ZNF827: variants seen among roughly 807,000 people sequenced by gnomAD.
ZNF827 encodes the protein zinc finger protein 827.
A neutral mutation model predicts 102.4 loss-of-function variants in ZNF827; 13 were observed. The ratio of observed to expected loss-of-function variants is 0.13; its 90% CI spans 0.08 to 0.20. The LOEUF (loss-of-function observed/expected upper bound fraction) is 0.20, where lower values mean the gene tolerates loss of function less well. Among genes scored for constraint, ZNF827 ranks in the 10% least tolerant of loss-of-function variants. The pLI, the probability that ZNF827 is intolerant of heterozygous loss-of-function variation, is 1.00. For missense variants in ZNF827, 1,103 were observed against 1,344.4 expected, an observed-to-expected ratio of 0.82 and a Z score of 2.81; for synonymous variants, 523 against 536.2, an observed-to-expected ratio of 0.98 and a Z score of 0.34.
intron 4 of ZNF827, among the ~76,000 whole-genome samples, chr4:145,879,102 AGAC>A (rs1225705913): frequency 6.6e-6 from 1 of 152,164 alleles, no homozygotes; most frequent in Non-Finnish European, 1.5e-5. Flanking sequence ...GGAGGTCAAA[AGAC>A]AGTTTGCTCA....
intron 3 of ZNF827, among the ~76,000 whole-genome samples, chr4:145,891,984 C>A (rs1750642947): frequency 6.6e-6 from 1 of 152,204 alleles, no homozygotes; most frequent in Non-Finnish European, 1.5e-5. Flanking sequence ...CTGTTGCTCC[C>A]CTATAGGAGA....
rs778419511 is a variant in ZNF827 at position 145,849,492 on chromosome 4, G to C, written c.2051C>G (p.Ser684Cys). ...EEPMEVDIQD[S>C]HVSISPSRNV... The stretch of plus-strand genomic sequence containing the variant: ...CCGGCTGGGTGATATCGAGACATGG[G>C]AGTCCTGGATGTCAACCTCCATGGG... Residue 684 changes from serine (S) to cysteine (C), a missense_variant, in exon 6 of 15, where the codon TCC becomes TGC. Transcript: ENST00000508784. 5.0e-6 allele frequency: 8 copies of C among 1,614,176 alleles called. No individual in the cohort carries two copies. Among genetic ancestry groups the C allele is most frequent in the Non-Finnish European group, 6.8e-6 (8 of 1,180,036 alleles).
chr4:145,919,370 G>A (rs1475108525), intron 1 of ZNF827, among the ~76,000 whole-genome samples: 1 of 152,204 alleles, frequency 6.6e-6, no homozygotes, highest in Non-Finnish European at 1.5e-5. Context: ...AAATTCACTG[G>A]ACAGCCAAAT....
intron 4 of ZNF827, among the ~76,000 whole-genome samples, chr4:145,872,940 CTT>C (rs1198148895): frequency 1.4e-5 from 2 of 143,390 alleles, no homozygotes; most frequent in East Asian, 4.4e-4. Flanking sequence ...ATTTTTTTTT[CTT>C]TTCTTTTTTT....
chr4:145,880,166 C>T (rs751118516), intron 4 of ZNF827, among the ~76,000 whole-genome samples: 6 of 152,234 alleles, frequency 3.9e-5, no homozygotes, highest in South Asian at 2.1e-4. Context: ...ACCCGGGAGG[C>T]GGATGTTTCA....
intron 3 of ZNF827, among the ~76,000 whole-genome samples, chr4:145,888,555 G>A (rs568935473): frequency 9.8e-5 from 15 of 152,310 alleles, no homozygotes; most frequent in African/African-American, 3.4e-4. Flanking sequence ...GTATTTCAGA[G>A]CTTGGGGAAA....
At chr4:145,782,566 C>A (rs1334604820) in intron 8 of ZNF827, among the ~76,000 whole-genome samples, 1 of 152,204 alleles carries the variant, frequency 6.6e-6, no homozygotes, top group African/African-American at 2.4e-5. Context: ...GTGTCATCAT[C>A]TTTCACCAAC....
intron 7 of ZNF827, chr4:145,830,417 G>A (rs1228068110): frequency 1.3e-5 from 2 of 151,926 alleles, no homozygotes; most frequent in Non-Finnish European, 2.9e-5. Flanking sequence ...GACATTCTTC[G>A]AGAAGCTGGA....
rs116076277 is a variant in ZNF827 at position 145,864,695 on chromosome 4, A to G, written c.1981+5550T>C. On this transcript the variant is annotated intron_variant, in intron 5 of 14. Coordinates refer to ENST00000508784, the MANE Select transcript of ZNF827 (RefSeq NM_001306215.2). ...AAAAAAAGTTGAAATGAATATGTGAATTTTTTGATTTTTGGACTTACTAGA... is the reference window on the plus strand; with the variant it reads ...AAAAAAAGTTGAAATGAATATGTGAGTTTTTTGATTTTTGGACTTACTAGA... Among the ~76,000 whole-genome samples the G allele has an allele frequency of 8.0e-3, 1,214 of 152,254 alleles. 19 individuals are homozygous for G. Among genetic ancestry groups the G allele is most frequent in the African/African-American group, 0.027 (1,117 of 41,556 alleles).
At chr4:145,906,156 A>G (rs1751854609) in intron 1 of ZNF827, among the ~76,000 whole-genome samples, 1 of 152,152 alleles carries the variant, frequency 6.6e-6, no homozygotes, top group African/African-American at 2.4e-5. Context: ...AGAACCCCAA[A>G]TCTCTCAGCT....
intron 1 of ZNF827, among the ~76,000 whole-genome samples, chr4:145,908,458 G>A (rs1752044093): frequency 6.6e-6 from 1 of 152,114 alleles, no homozygotes; most frequent in African/African-American, 2.4e-5. Context: ...CAACCTTCTG[G>A]TTTATTTTCA....
intron 7 of ZNF827, chr4:145,839,714 G>A (rs953924939): frequency 6.6e-6 from 1 of 152,196 alleles, no homozygotes; most frequent in Non-Finnish European, 1.5e-5. Flanking sequence ...TGCATAACCT[G>A]CCAAAGGCAG....
intron 8 of ZNF827, among the ~76,000 whole-genome samples, chr4:145,806,394 A>G (rs1741456768): frequency 2.6e-5 from 4 of 151,904 alleles, no homozygotes; most frequent in South Asian, 2.1e-4. Context: ...GAGCTCAAGC[A>G]ATACTCCTGC....
At position 145,904,555 on chromosome 4, in the gene ZNF827, T is replaced by C. The variant is rs151017409; in HGVS notation, c.44-1340A>G. On this transcript the variant is annotated intron_variant, in intron 1 of 14. Coordinates refer to ENST00000508784, the MANE Select transcript of ZNF827 (RefSeq NM_001306215.2). ...ACTGACCATGCAGAGGGAGAGTCAC[T>C]GTGAAGGCCCTGCTGTGGGAACATG... Among the ~76,000 whole-genome samples the C allele has an allele frequency of 2.3e-3, 346 of 152,254 alleles. 1 individual carries two copies. Among genetic ancestry groups the C allele is most frequent in the Middle Eastern group, 0.014 (4 of 294 alleles).
Position 145,885,762 on chromosome 4 carries a change from C to T in ZNF827, c.1663G>A (p.Glu555Lys), listed in dbSNP as rs776184376. The T allele has an allele frequency of 5.0e-6, 8 of 1,605,162 alleles. No individual in the cohort carries two copies. The highest frequency in any genetic ancestry group is 1.1e-5 in the South Asian group (1 of 88,938). The change falls in exon 4 of 15, where the codon GAG becomes AAG. Residue 555 changes from glutamate (E) to lysine (K), a missense_variant. Physicochemically the swap from Glu to Lys is moderately conservative, Grantham distance 56 (BLOSUM62 1). Transcript: ENST00000508784. ...GCTGACGCACTGTTGGCCACATACT[C>T]GGAGGGGTCTTTCAGCTTTGTGTGG... is the stretch of plus-strand genomic sequence containing the variant. The part of the protein sequence containing the change: ...ANHTKLKDPS[E>K]YVANSASALF...
chr4:145,796,289 A>G (rs1740371837), intron 8 of ZNF827, among the ~76,000 whole-genome samples: 1 of 152,226 alleles, frequency 6.6e-6, no homozygotes, highest in Non-Finnish European at 1.5e-5. Context: ...ACACACGCAG[A>G]CATGTTTCCA....
At position 145,932,022 on chromosome 4, in the gene ZNF827, G is replaced by A. The variant is rs571592931; in HGVS notation, c.43+6343C>T. Among the ~76,000 whole-genome samples the A allele has an allele frequency of 8.5e-5, 13 of 152,236 alleles. No homozygotes were observed. In the South Asian group the frequency reaches 2.1e-3, roughly 24 times the overall value. ...GACCTCTCAAGAAAGGAATTAGTGCGTTTATAAAAGGGGCCCTAGGGAGCT... is the reference window on the plus strand; with the variant it reads ...GACCTCTCAAGAAAGGAATTAGTGCATTTATAAAAGGGGCCCTAGGGAGCT... On this transcript the variant is annotated intron_variant, in intron 1 of 14. Transcript: ENST00000508784.
intron 8 of ZNF827, among the ~76,000 whole-genome samples, chr4:145,797,990 C>T (rs1051899445): frequency 6.6e-6 from 1 of 152,148 alleles, no homozygotes; most frequent in Non-Finnish European, 1.5e-5. Context: ...CCATCATTCT[C>T]CCTCACCGAA....
chr4:145,815,048 T>C (rs1422260014), intron 8 of ZNF827, among the ~76,000 whole-genome samples: 3 of 152,172 alleles, frequency 2.0e-5, no homozygotes, highest in Admixed American at 1.3e-4. Context: ...GTGTGTGCCA[T>C]GGTGGGTGAT....
Sources: allele counts gnomAD v4.1 joint callset (sites outside exome capture counted in the v4.1 genomes callset), GRCh38; gene constraint gnomAD v4.1.1; transcripts MANE v1.5; gene names NCBI Gene and HGNC (gene_info 2026-07-23, HGNC 2026-07-21).